CFI: variants seen among roughly 807,000 people sequenced by gnomAD.
CFI encodes C3B/C4B inactivator.
In CFI, 66 loss-of-function variants were observed where a neutral mutation model predicts 78.8. The observed-to-expected ratio is 0.84, with a 90% CI of 0.69 to 1.03. The LOEUF (loss-of-function observed/expected upper bound fraction) is 1.03. Among genes scored for constraint, CFI ranks in the 50% least tolerant of loss-of-function variants. The pLI, the probability that CFI is intolerant of heterozygous loss-of-function variation, is 0.00. For synonymous variants in CFI, 250 were observed against 232.6 expected, an observed-to-expected ratio of 1.07 and a Z score of -0.68; for missense variants, 706 against 704.5, an observed-to-expected ratio of 1.00 and a Z score of -0.02.
chr4:109,771,714 C>CAAAAAAAAAAAAAA (rs149565381), intron 1 of CFI, among the ~76,000 whole-genome samples: 1 of 18,126 alleles, frequency 5.5e-5, no homozygotes, highest in African/African-American at 1.7e-4. Flanking sequence ...ACTCCATCAC[C>CAAAAAAAAAAAAAA]AAAAAAAAAA....
intron 11 of CFI, among the ~76,000 whole-genome samples, chr4:109,743,554 G>A (rs553840117): frequency 6.6e-6 from 1 of 152,314 alleles, no homozygotes; most frequent in South Asian, 2.1e-4. Flanking sequence ...TTCCATCAGT[G>A]AAATCCTAGC....
chr4:109,767,516 A>C (rs1271783272), intron 1 of CFI, among the ~76,000 whole-genome samples: 1 of 151,364 alleles, frequency 6.6e-6, no homozygotes, highest in African/African-American at 2.4e-5. Flanking sequence ...ATGCAGCCAA[A>C]AGACACATGA....
At chr4:109,745,813 G>A (rs1341463977) in intron 11 of CFI, among the ~76,000 whole-genome samples, 1 of 152,026 alleles carries the variant, frequency 6.6e-6, no homozygotes, top group Non-Finnish European at 1.5e-5. Context: ...CATGCTGTAT[G>A]TCTCCCTGTC....
chr4:109,767,314 C>G (rs1727897822), intron 1 of CFI, among the ~76,000 whole-genome samples: 1 of 152,010 alleles, frequency 6.6e-6, no homozygotes, highest in Non-Finnish European at 1.5e-5. Context: ...TTCTGCACAG[C>G]AAAAGAAACC....
chr4:109,783,834 T>TATATATATATATATATATA (rs57344652), intron 1 of CFI, among the ~76,000 whole-genome samples: 70 of 139,704 alleles, frequency 5.0e-4, no homozygotes, highest in African/African-American at 7.0e-4. Context: ...TATATATATA[T>TATATATATATATATATATA]GATGGAATAC....
chr4:109,764,362 TC>T, intron 3 of CFI, 174 bp downstream of exon 3: 1 of 712,034 alleles, frequency 1.4e-6, no homozygotes. Flanking sequence ...TCAGCAGGGT[TC>T]CAAGTGTTGG....
rs562909041 is a variant in CFI, at chr4:109,746,040, G to A, written c.1429+182C>T. Among the ~76,000 whole-genome samples, 20 of 152,310 alleles carry A rather than the reference G, an allele frequency of 1.3e-4. No homozygotes were observed. In the South Asian group the frequency reaches 3.7e-3, roughly 28 times the overall value. The stretch of plus-strand genomic sequence containing the variant: ...TAAATCAAGCCTCAGGGCCTTCTGA[G>A]CATGGGGTGCTGGGCAGCTGCACAT... On this transcript the variant is annotated intron_variant, in intron 11 of 12. Coordinates refer to ENST00000394634, the MANE Select transcript of CFI (RefSeq NM_000204.5).
intron 10 of CFI, among the ~76,000 whole-genome samples, chr4:109,748,587 A>G (rs574418002): frequency 6.7e-4 from 102 of 152,272 alleles, no homozygotes; most frequent in African/African-American, 2.2e-3. Flanking sequence ...AAGGGTAAGG[A>G]AGATCATTTC....
chr4:109,767,414 T>C (rs796797661), intron 1 of CFI, among the ~76,000 whole-genome samples: 2 of 151,056 alleles, frequency 1.3e-5, no homozygotes, highest in South Asian at 4.2e-4. Flanking sequence ...GAATCTACAA[T>C]GAACTCAAAC....
At chr4:109,751,005 A>G (rs1429868033) in intron 8 of CFI, among the ~76,000 whole-genome samples, 7 of 152,168 alleles carry the variant, frequency 4.6e-5, no homozygotes, top group Admixed American at 1.3e-4. Context: ...CCTACAGTAT[A>G]TAATCTCTGA....
At chr4:109,750,020 G>A (rs1276299294) in intron 8 of CFI, among the ~76,000 whole-genome samples, 3 of 151,030 alleles carry the variant, frequency 2.0e-5, no homozygotes, top group Non-Finnish European at 4.4e-5. Flanking sequence ...TTTTTGAGAT[G>A]GAGTCTCAGT....
rs149565381 is a variant in CFI at position 109,771,714 on chromosome 4, C to CAAAAAAAA, written c.58-4898_58-4891dup. On this transcript the variant is annotated intron_variant, in intron 1 of 12. Coordinates refer to ENST00000394634, the MANE Select transcript of CFI (RefSeq NM_000204.5). The stretch of plus-strand genomic sequence containing the variant: ...GGGCAACACAGCAAGACTCCATCAC[C>CAAAAAAAA]AAAAAAAAAAAAAAAAAAAAAAAAA... 1.5e-3 allele frequency among the ~76,000 whole-genome samples: 27 copies of CAAAAAAAA among 18,122 alleles called. 7 individuals are homozygous for CAAAAAAAA. Among genetic ancestry groups the CAAAAAAAA allele is most frequent in the African/African-American group, 2.4e-3 (14 of 5,790 alleles). 11.9% of individuals were successfully genotyped at this position (18,122 alleles called of 152,430 possible).
At chr4:109,742,741 AATC>A (rs1723962174) in intron 11 of CFI, 146 bp from the exon 12 acceptor site, 1 of 630,528 alleles carries the variant, frequency 1.6e-6, no homozygotes, top group East Asian at 2.8e-5. Context: ...TAGCGTGTTT[AATC>A]ATATCATATG....
downstream of CFI, among the ~76,000 whole-genome samples, chr4:109,736,995 G>T (rs750550690): frequency 6.6e-6 from 1 of 152,102 alleles, no homozygotes; most frequent in Non-Finnish European, 1.5e-5. Flanking sequence ...CCCTAGTACT[G>T]TAATCTATTT....
chr4:109,771,005 G>C (rs1373897797), intron 1 of CFI, among the ~76,000 whole-genome samples: 1 of 152,178 alleles, frequency 6.6e-6, no homozygotes, highest in Non-Finnish European at 1.5e-5. Context: ...GAAAGTGCTT[G>C]CCCCTGGAGA....
At position 109,771,714 on chromosome 4, in the gene CFI, C is replaced by CAAAAAAAAAAAA. The variant is rs149565381; in HGVS notation, c.58-4902_58-4891dup. On this transcript the variant is annotated intron_variant, in intron 1 of 12. Transcript: ENST00000394634. ...GGGCAACACAGCAAGACTCCATCAC[C>CAAAAAAAAAAAA]AAAAAAAAAAAAAAAAAAAAAAAAA... Among the ~76,000 whole-genome samples, 6 of 18,126 alleles carry CAAAAAAAAAAAA rather than the reference C, an allele frequency of 3.3e-4. 1 individual carries two copies. Among genetic ancestry groups the CAAAAAAAAAAAA allele is most frequent in the African/African-American group, 5.2e-4 (3 of 5,790 alleles). The allele number at this position is 18,126 out of a possible 152,430, so 11.9% of individuals were successfully genotyped here.
chr4:109,753,058 A>ATAATATATATTTATTATATATTTT (rs1561292338), intron 7 of CFI, among the ~76,000 whole-genome samples: 3 of 2,066 alleles, frequency 1.5e-3, no homozygotes, highest in Admixed American at 8.6e-3. Context: ...TTATATATTT[A>ATAATATATATTTATTATATATTTT]TATATAAATA....
At chr4:109,759,624 C>G in intron 6 of CFI, among the ~76,000 whole-genome samples, 1 of 152,040 alleles carries the variant, frequency 6.6e-6, no homozygotes, top group Non-Finnish European at 1.5e-5. Flanking sequence ...TGCAACAGGC[C>G]AGGTGTGGTG....
chr4:109,775,596 A>G (rs1466477980), intron 1 of CFI, among the ~76,000 whole-genome samples: 1 of 152,234 alleles, frequency 6.6e-6, no homozygotes, highest in Non-Finnish European at 1.5e-5. Flanking sequence ...AACAAAAGGC[A>G]GCAGAAACTT....
Sources: gnomAD v4.1 joint callset for allele counts (sites outside exome capture counted in the v4.1 genomes callset) on GRCh38, gnomAD v4.1.1 for gene constraint, MANE v1.5 for transcripts, NCBI Gene and HGNC (gene_info 2026-07-23, HGNC 2026-07-21) for gene names.